DOCK6: variants seen among roughly 807,000 people sequenced by gnomAD.
DOCK6 encodes dedicator of cytokinesis 6, also known as dedicator of cytokinesis protein 6.
Under a neutral mutation model 230.3 loss-of-function variants are expected in DOCK6, and 167 were observed. The observed-to-expected ratio is 0.73, with a 90% CI of 0.64 to 0.82. The LOEUF (loss-of-function observed/expected upper bound fraction) is 0.82. DOCK6 is among the 40% of genes least tolerant of loss of function. The probability of loss-of-function intolerance (pLI) is 0.00; values close to 1 mark genes in which losing one functional copy is unlikely to be tolerated. For synonymous variants in DOCK6, 1,148 were observed against 1,185.0 expected (o/e 0.97, Z 0.64); for missense variants, 2,598 against 2,825.8 (o/e 0.92, Z 1.83).
intron 6 of DOCK6, 77 bp from the exon 7 acceptor site, chr19:11,248,228 C>T: frequency 8.8e-7 from 1 of 1,134,256 alleles, no homozygotes; most frequent in Non-Finnish European, 1.3e-6. Context: ...TGCCCAGCCT[C>T]AGACCAGCTC....
chr19:11,258,018 T>C (rs2147893493), intron 1 of DOCK6, among the ~76,000 whole-genome samples: 1 of 152,282 alleles, frequency 6.6e-6, no homozygotes, highest in Admixed American at 6.5e-5. Context: ...AATCCAGCAA[T>C]TCTACTCCAA....
rs1314983310 is a variant in DOCK6, at chr19:11,200,409, G to A, written c.6000C>T (p.His2000=). ...ALIGPDQKEY[H]RELERNYCRL... is the part of the protein sequence containing the mutation. ...GGCAGTAGTTGCGCTCCAGCTCACG[G>A]TGGTACTCCTTCTGGTCCGGCCCAA... is the stretch of plus-strand genomic sequence containing the variant. The change falls in exon 47 of 48, where the codon CAC becomes CAT. Residue 2000 remains histidine (H), a synonymous_variant. Coordinates refer to ENST00000294618, the MANE Select transcript of DOCK6 (RefSeq NM_020812.4). The surrounding 1 kb of genome is among the most constrained non-coding windows in gnomAD (Gnocchi z 4.3). The A allele has an allele frequency of 6.2e-7, 1 of 1,610,394 alleles. No homozygotes were observed. The highest frequency in any genetic ancestry group is 1.1e-5 in the South Asian group (1 of 89,970).
In DOCK6 at chr19:11,200,159, AC is replaced by A. The variant is rs377752825; in HGVS notation, c.6101+148del. 0.083 allele frequency: 56,143 copies of A among 674,588 alleles called. 1,010 individuals are homozygous for A. The highest frequency in any genetic ancestry group is 0.2 in the East Asian group (4,582 of 22,802). 41.8% of individuals were successfully genotyped at this position (674,588 alleles called of 1,614,324 possible). On this transcript the variant is annotated intron_variant, in intron 47 of 47. Coordinates refer to ENST00000294618, the MANE Select transcript of DOCK6 (RefSeq NM_020812.4). The surrounding 1 kb of genome is among the most constrained non-coding windows in gnomAD (Gnocchi z 4.3). ...GAGGGAGAGTCTCTCAAAAAAAAAAACAAAAAAAAAACCGGAAACAAAACAA... is the reference window on the plus strand; with the variant it reads ...GAGGGAGAGTCTCTCAAAAAAAAAAAAAAAAAAAAACCGGAAACAAAACAA...
Position 11,222,700 on chromosome 19 carries a change from G to C in DOCK6, c.3240+35C>G, listed in dbSNP as rs538389299. The C allele has an allele frequency of 6.5e-6, 10 of 1,540,308 alleles. No homozygotes were observed. The South Asian group carries it at 1.1e-4, about 17-fold the overall frequency. ...ATGGACTGAAGGTGAGAGGTTGTAG[G>C]TCAAAGAGAGGAGGCAGAAGTGAAG... On this transcript the variant is annotated intron_variant, in intron 26 of 47. Transcript: ENST00000294618. This position sits in a 1 kb window ranked among gnomAD's most constrained non-coding sequence, Gnocchi z 4.0.
At position 11,236,981 on chromosome 19, in the gene DOCK6, C is replaced by T. The variant is rs737338; in HGVS notation, c.2074-102G>A. ...GCGACACTGCAGCGTGAGTGTAGCC[C>T]GGTCTGGGGGTGCAGCCAAGCACCC... is the stretch of plus-strand genomic sequence containing the variant. On this transcript the variant is annotated intron_variant, in intron 18 of 47. Coordinates refer to ENST00000294618, the MANE Select transcript of DOCK6 (RefSeq NM_020812.4). The surrounding 1 kb of genome is among the most constrained non-coding windows in gnomAD (Gnocchi z 5.2). 0.064 allele frequency: 80,512 copies of T among 1,259,044 alleles called. 4,916 individuals are homozygous for T. Among genetic ancestry groups the T allele is most frequent in the East Asian group, 0.25 (9,574 of 38,934 alleles). 78.0% of individuals were successfully genotyped at this position (1,259,044 alleles called of 1,614,324 possible).
chr19:11,222,113 C>T lies in DOCK6; in HGVS notation c.3376G>A (p.Glu1126Lys). 6.2e-7 allele frequency: 1 copy of T among 1,613,056 alleles called. No homozygotes were observed. The highest frequency in any genetic ancestry group is 8.5e-7 in the Non-Finnish European group (1 of 1,179,528). Residue 1126 changes from glutamate to lysine, a missense_variant, in exon 27 of 48, where the codon GAA (glutamate) becomes AAA (lysine). Coordinates refer to ENST00000294618, the MANE Select transcript of DOCK6 (RefSeq NM_020812.4). The surrounding 1 kb of genome is among the most constrained non-coding windows in gnomAD (Gnocchi z 4.0). ...ELALALEPEA[E>K]GAFLLHKKAI... ...CTAGACAGGAGCTCTGCTCACCCTTCAGCCTCAGGTTCGAGGGCCAGTGCC... is the reference window on the plus strand; with the variant it reads ...CTAGACAGGAGCTCTGCTCACCCTTTAGCCTCAGGTTCGAGGGCCAGTGCC...
At chr19:11,214,914 C>A (rs971262958) in intron 32 of DOCK6, among the ~76,000 whole-genome samples, 2 of 151,436 alleles carry the variant, frequency 1.3e-5, no homozygotes, top group Admixed American at 6.6e-5. Flanking sequence ...TGGCTGGGAC[C>A]ACAGGCACAT....
At position 11,261,842 on chromosome 19, in the gene DOCK6, T is replaced by C. The variant is rs1383451879; in HGVS notation, c.44+555A>G. Among the ~76,000 whole-genome samples, 56 of 138,224 alleles carry C rather than the reference T, an allele frequency of 4.1e-4. 1 individual carries two copies. In the East Asian group the frequency reaches 4.5e-3, roughly 11 times the overall value. The allele number at this position is 138,224 out of a possible 152,430, so 90.7% of individuals were successfully genotyped here. On this transcript the variant is annotated intron_variant, in intron 1 of 47. Transcript: ENST00000294618. ...GGGGGGCGTCCACAGCTGTCCCCCT[T>C]CCCCCCCCCCGACAGCTGGGCACTG...
intron 1 of DOCK6, among the ~76,000 whole-genome samples, chr19:11,255,374 G>A (rs1284096763): frequency 6.7e-6 from 1 of 150,054 alleles, no homozygotes. Context: ...GCACGATATC[G>A]GCTCACTGCA....
Position 11,252,806 on chromosome 19 carries a change from C to G in DOCK6, c.285G>C (p.Thr95=), listed in dbSNP as rs754908764. ...ACTCATCCTTGGGGATCCCGGGCTC[C>G]GTGGTCCGGCATTCCCGGGGCTGCA... ...LLLQPRECRT[T]EPGIPKDEKL... Residue 95 remains threonine (T), a synonymous_variant, in exon 3 of 48, where the codon ACG becomes ACC. Coordinates refer to ENST00000294618, the MANE Select transcript of DOCK6 (RefSeq NM_020812.4). The G allele has an allele frequency of 6.2e-7, 1 of 1,612,068 alleles. No individual in the cohort carries two copies. The highest frequency in any genetic ancestry group is 8.5e-7 in the Non-Finnish European group (1 of 1,178,906).
Position 11,243,274 on chromosome 19 carries a change from G to T in DOCK6, c.1370C>A (p.Thr457Lys), listed in dbSNP as rs374475966. ...SGFRPATLTV[T>K]NFFKQEAERL... ...GTAGGACACCTGCTTAAAGAAGTTT[G>T]TGACAGTTAGCGTGGCTGGACGGAA... is the stretch of plus-strand genomic sequence containing the variant. Residue 457 changes from threonine to lysine, a missense_variant, in exon 12 of 48, where the codon ACA becomes AAA. By Grantham distance (78) the Thr-to-Lys change is moderately conservative. Coordinates refer to ENST00000294618, the MANE Select transcript of DOCK6 (RefSeq NM_020812.4). This position sits in a 1 kb window ranked among gnomAD's most constrained non-coding sequence, Gnocchi z 6.3. The T allele has an allele frequency of 1.2e-5, 20 of 1,610,268 alleles. No individual in the cohort carries two copies. Among genetic ancestry groups the T allele is most frequent in the Non-Finnish European group, 1.4e-5 (17 of 1,178,462 alleles).
At position 11,222,698 on chromosome 19, in the gene DOCK6, A is replaced by T. The variant is rs1322555881; in HGVS notation, c.3240+37T>A. On this transcript the variant is annotated intron_variant, in intron 26 of 47. Coordinates refer to ENST00000294618, the MANE Select transcript of DOCK6 (RefSeq NM_020812.4). This position sits in a 1 kb window ranked among gnomAD's most constrained non-coding sequence, Gnocchi z 4.0. ...AGATGGACTGAAGGTGAGAGGTTGTAGGTCAAAGAGAGGAGGCAGAAGTGA... is the reference window on the plus strand; with the variant it reads ...AGATGGACTGAAGGTGAGAGGTTGTTGGTCAAAGAGAGGAGGCAGAAGTGA... 1.3e-6 allele frequency: 2 copies of T among 1,534,684 alleles called. No homozygotes were observed. Among genetic ancestry groups the T allele is most frequent in the African/African-American group, 2.7e-5 (2 of 73,022 alleles).
intron 1 of DOCK6, among the ~76,000 whole-genome samples, chr19:11,262,157 A>C (rs1308037578): frequency 7.9e-5 from 12 of 152,008 alleles, no homozygotes; most frequent in African/African-American, 2.9e-4. Flanking sequence ...ACGGAGGCAG[A>C]ACGGCAGCCG....
At chr19:11,217,139 T>C in intron 29 of DOCK6, 43 bp from the exon 30 acceptor site, 8 of 1,598,004 alleles carry the variant, frequency 5.0e-6, no homozygotes, top group Non-Finnish European at 6.8e-6. Flanking sequence ...ATTTTCTCCA[T>C]GTGAGATGAA....
In DOCK6 at chr19:11,260,882, CAAA is replaced by C. The variant is rs59900669; in HGVS notation, c.44+1512_44+1514del. On this transcript the variant is annotated intron_variant, in intron 1 of 47. Transcript: ENST00000294618. ...TGGGTGACAGAGCGAGACTCTGTCT[CAAA>C]AAAAAAAAAAGAAAGAAAGAAAGAA... 1.5e-4 allele frequency among the ~76,000 whole-genome samples: 9 copies of C among 61,770 alleles called. 1 individual carries two copies. Among genetic ancestry groups the C allele is most frequent in the Admixed American group, 9.6e-4 (4 of 4,158 alleles). The allele number at this position is 61,770 out of a possible 152,430, so 40.5% of individuals were successfully genotyped here. A position where few individuals can be genotyped will look rare whatever the true frequency, so the allele number is the denominator to read the frequency against.
At chr19:11,259,287 C>G (rs141409988) in intron 1 of DOCK6, among the ~76,000 whole-genome samples, 2 of 152,078 alleles carry the variant, frequency 1.3e-5, no homozygotes, top group Non-Finnish European at 2.9e-5. Flanking sequence ...CCTGGCCTCC[C>G]AAAGTGGTAG....
intron 37 of DOCK6, 64 bp from the exon 38 acceptor site, chr19:11,209,167 A>T: frequency 6.5e-7 from 1 of 1,538,628 alleles, no homozygotes; most frequent in Non-Finnish European, 8.8e-7. Context: ...CCTGCCTCCC[A>T]CTTGTCCATT....
At position 11,213,225 on chromosome 19, in the gene DOCK6, G is replaced by T; in HGVS notation, c.4442C>A (p.Ala1481Asp). ...CATGAGCAGGTACAGCGAGGCGCTG[G>T]CGTGCGTGCGGATGGTGCTGATGCG... ...GSRISTIRTH[A>D]SASLYLLMRQ... The change falls in exon 35 of 48, where the codon GCC becomes GAC. Residue 1481 changes from alanine (A) to aspartate (D), a missense_variant. Transcript: ENST00000294618. 6.2e-7 allele frequency: 1 copy of T among 1,613,252 alleles called. No individual in the cohort carries two copies. Among genetic ancestry groups the T allele is most frequent in the Non-Finnish European group, 8.5e-7 (1 of 1,179,858 alleles).
In DOCK6 at chr19:11,236,119, A is replaced by T; in HGVS notation, c.2392+227T>A. On this transcript the variant is annotated intron_variant, in intron 20 of 47. Coordinates refer to ENST00000294618, the MANE Select transcript of DOCK6 (RefSeq NM_020812.4). The surrounding 1 kb of genome is among the most constrained non-coding windows in gnomAD (Gnocchi z 5.2). ...GGTCTCAAACTCTCGACCTCAGGTG[A>T]TCTGCCCGCCTCGGCCTCCCAAAGT... 1 of 579,150 alleles carries T rather than the reference A, an allele frequency of 1.7e-6. No individual in the cohort carries two copies. The highest frequency in any genetic ancestry group is 3.0e-6 in the Non-Finnish European group (1 of 333,274). 35.9% of individuals were successfully genotyped at this position (579,150 alleles called of 1,614,324 possible).
Sources: allele counts gnomAD v4.1 joint callset (sites outside exome capture counted in the v4.1 genomes callset), GRCh38; gene constraint gnomAD v4.1.1; non-coding constraint Gnocchi (gnomAD v3.1); transcripts MANE v1.5; gene names NCBI Gene and HGNC (gene_info 2026-07-23, HGNC 2026-07-21).